The following ULK1 variants were observed in gnomAD, a reference collection of about 807,000 sequenced individuals.
ULK1 encodes the protein unc-51 like autophagy activating kinase 1.
In ULK1, 48 loss-of-function variants were observed where a neutral mutation model predicts 117.5. That is an observed-to-expected ratio of 0.41 (90% CI 0.32 to 0.52). The LOEUF (loss-of-function observed/expected upper bound fraction) is 0.52, where lower values mean the gene tolerates loss of function less well. Among genes scored for constraint, ULK1 ranks in the 20% least tolerant of loss-of-function variants. The pLI is 0.29. For missense variants in ULK1, 1,387 were observed against 1,473.4 expected, an observed-to-expected ratio of 0.94 and a Z score of 0.96; for synonymous variants, 790 against 637.8, an observed-to-expected ratio of 1.24 and a Z score of -3.60.
At position 131,919,051 on chromosome 12, in the gene ULK1, G is replaced by A. The variant is rs571305407; in HGVS notation, c.2512-161G>A. Among the ~76,000 whole-genome samples, 5 of 149,876 alleles carry A rather than the reference G, an allele frequency of 3.3e-5. No homozygotes were observed. The East Asian group carries it at 1.0e-3, about 30-fold the overall frequency. ...GGGGTGTACGGTGTGTGGGGTGCAG[G>A]GTGTGTGGGGTGTCGGGCGTGGCAC... On this transcript the variant is annotated intron_variant, in intron 23 of 27. Coordinates refer to ENST00000321867, the MANE Select transcript of ULK1 (RefSeq NM_003565.4).
At position 131,921,453 on chromosome 12, in the gene ULK1, C is replaced by T. The variant is rs1890148545; in HGVS notation, c.*92C>T. The stretch of plus-strand genomic sequence containing the variant: ...GACTCCTCGGGACAAGCCCATGGCG[C>T]TGATCGCTGGTGCTGAGCCCTGCCC... On this transcript the variant is annotated 3_prime_UTR_variant, in exon 28 of 28. Transcript: ENST00000321867. The T allele has an allele frequency of 6.4e-7, 1 of 1,570,442 alleles. No homozygotes were observed. The highest frequency in any genetic ancestry group is 8.6e-7 in the Non-Finnish European group (1 of 1,157,224).
rs199626504 is a variant in ULK1 at position 131,896,277 on chromosome 12, CA to C, written c.246+454del. On this transcript the variant is annotated intron_variant, in intron 3 of 27. Coordinates refer to ENST00000321867, the MANE Select transcript of ULK1 (RefSeq NM_003565.4). ...CCGGAGACTCCTGCTCGCTGGCAGT[CA>C]GGGCCGGGCCGGGGCACAGGCGGCT... is the stretch of plus-strand genomic sequence containing the variant. 6.0e-3 allele frequency among the ~76,000 whole-genome samples: 912 copies of C among 152,224 alleles called. 41 individuals carry two copies. In the East Asian group the frequency reaches 0.13, roughly 22 times the overall value.
chr12:131,910,937 T>C, intron 12 of ULK1, 137 bp downstream of exon 12: 1 of 1,454,656 alleles, frequency 6.9e-7, no homozygotes, highest in Non-Finnish European at 9.1e-7. Context: ...GAGTTCATTC[T>C]GTCAGATGTT....
chr12:131,908,511 C>T, intron 5 of ULK1, 133 bp from the exon 6 acceptor site: 1 of 1,149,308 alleles, frequency 8.7e-7, no homozygotes, highest in Non-Finnish European at 1.2e-6. Flanking sequence ...CCCCTCCTGA[C>T]CCGGGGTTTC....
rs765445854 is a variant in ULK1, at chr12:131,913,835, G to A, written c.1246G>A (p.Gly416Ser). Residue 416 changes from glycine to serine, a missense_variant and splice_region_variant, in exon 15 of 28, where the codon GGC (glycine) becomes AGC (serine). Transcript: ENST00000321867. ...PPCSSSPSPS[G>S]RAGPFSSSRC... ...CTGCAGCAGCTCCCCCAGTCCCTCA[G>A]GGTAAGCAGGGCCCCAGGCTGGGTG... 1 of 1,525,672 alleles carries A rather than the reference G, an allele frequency of 6.6e-7. No homozygotes were observed. The highest frequency in any genetic ancestry group is 2.2e-5 in the Admixed American group (1 of 45,158). 94.5% of individuals were successfully genotyped at this position (1,525,672 alleles called of 1,614,324 possible).
At chr12:131,916,782 G>A (rs1182249218) in intron 20 of ULK1, among the ~76,000 whole-genome samples, 171 bp from the exon 21 acceptor site, 3 of 152,094 alleles carry the variant, frequency 2.0e-5, no homozygotes, top group East Asian at 1.9e-4. Flanking sequence ...GCAGGTCCCC[G>A]TCCTGAGCCT....
chr12:131,915,191 G>A lies in ULK1; in HGVS notation c.1482G>A (p.Met494Ile), dbSNP rs1368229541. Residue 494 changes from methionine (M) to isoleucine (I), a missense_variant, in exon 17 of 28, where the codon ATG becomes ATA. Physicochemically the swap from Met to Ile is conservative, Grantham distance 10 (BLOSUM62 1). This residue lies in a region of ULK1 where 900 missense variants were observed against 858.9 expected (regional missense o/e 1.05). Coordinates refer to ENST00000321867, the MANE Select transcript of ULK1 (RefSeq NM_003565.4). The stretch of plus-strand genomic sequence containing the variant: ...ATGGAGGCGTCCTGGCCAGGAAGAT[G>A]TCTCTGGGTGGAGGCCGGCCCTACA... Reference protein sequence around the residue: ...AEHGGVLARKMSLGGGRPYTP... With the variant: ...AEHGGVLARKISLGGGRPYTP... 2 of 1,600,732 alleles carry A rather than the reference G, an allele frequency of 1.2e-6. No homozygotes were observed. The highest frequency in any genetic ancestry group is 1.7e-6 in the Non-Finnish European group (2 of 1,174,334).
At chr12:131,898,540 C>T (rs1453673964) in intron 3 of ULK1, among the ~76,000 whole-genome samples, 3 of 151,860 alleles carry the variant, frequency 2.0e-5, no homozygotes, top group Non-Finnish European at 2.9e-5. Context: ...TTGCTCTTGT[C>T]GCCCAGGCTG....
At chr12:131,910,185 G>T in intron 10 of ULK1, 69 bp from the exon 11 acceptor site, 2 of 1,600,354 alleles carry the variant, frequency 1.2e-6, no homozygotes, top group Non-Finnish European at 1.7e-6. Flanking sequence ...AGCTCAGGCC[G>T]TGGGGAGGCA....
chr12:131,912,860 G>T (rs938981071), intron 13 of ULK1, among the ~76,000 whole-genome samples: 15 of 152,140 alleles, frequency 9.9e-5, no homozygotes, highest in Non-Finnish European at 2.1e-4. Flanking sequence ...ACTTAGGGCT[G>T]TAGATGCCTG....
rs753118432 is a variant in ULK1 at position 131,918,576 on chromosome 12, C to T, written c.2406C>T (p.Leu802=). ...GPCSEAPAPE[L]PAPGHGCSFA... ...GCAGCGAGGCCCCAGCCCCTGAGCT[C>T]CCTGCTCCAGGACACGGCTGCAGCT... is the stretch of plus-strand genomic sequence containing the variant. Residue 802 remains leucine, a synonymous_variant, in exon 23 of 28, where the codon CTC becomes CTT. Coordinates refer to ENST00000321867, the MANE Select transcript of ULK1 (RefSeq NM_003565.4). 3 of 1,611,430 alleles carry T rather than the reference C, an allele frequency of 1.9e-6. No individual in the cohort carries two copies. The highest frequency in any genetic ancestry group is 1.3e-5 in the African/African-American group (1 of 74,988).
At position 131,902,568 on chromosome 12, in the gene ULK1, G is replaced by T. The variant is rs1889130305; in HGVS notation, c.247-4324G>T. 6.6e-6 allele frequency among the ~76,000 whole-genome samples: 1 copy of T among 152,162 alleles called. No homozygotes were observed. Among genetic ancestry groups the T allele is most frequent in the African/African-American group, 2.4e-5 (1 of 41,440 alleles). ...GGGGTGTTGATATTGCTGTCTTTTT[G>T]AAGTGTTCTGAGCCTCAGATGCATG... On this transcript the variant is annotated intron_variant, in intron 3 of 27. Coordinates refer to ENST00000321867, the MANE Select transcript of ULK1 (RefSeq NM_003565.4). The surrounding 1 kb of genome is among the most constrained non-coding windows in gnomAD (Gnocchi z 6.3).
In ULK1 at chr12:131,916,591, G is replaced by T; in HGVS notation, c.2072G>T (p.Arg691Leu). The T allele has an allele frequency of 6.4e-7, 1 of 1,572,888 alleles. No individual in the cohort carries two copies. The highest frequency in any genetic ancestry group is 1.7e-4 in the Middle Eastern group (1 of 5,778). The change falls in exon 20 of 28, where the codon CGG becomes CTG. Residue 691 changes from arginine to leucine, a missense_variant and splice_region_variant. This residue lies in a region of ULK1 where 900 missense variants were observed against 858.9 expected (regional missense o/e 1.05). Coordinates refer to ENST00000321867, the MANE Select transcript of ULK1 (RefSeq NM_003565.4). Reference protein sequence around the residue: ...PGEDPKGPFGRSFSTSRLTDL... With the variant: ...PGEDPKGPFGLSFSTSRLTDL... ...GAGGACCCCAAGGGCCCCTTTGGCC[G>T]GTGAGTTGAGGGGACAGGCCTTGGA...
At chr12:131,919,773 C>T (rs981374434) in intron 25 of ULK1, 183 bp downstream of exon 25, 61 of 1,014,780 alleles carry the variant, frequency 6.0e-5, no homozygotes, top group Non-Finnish European at 7.7e-5. Flanking sequence ...CACCCTGGAG[C>T]CCAGTATGCA....
Position 131,908,882 on chromosome 12 carries a change from C to T in ULK1, c.491-16C>T, listed in dbSNP as rs201483006. The T allele has an allele frequency of 3.4e-5, 55 of 1,609,364 alleles. No homozygotes were observed. Among genetic ancestry groups the T allele is most frequent in the Admixed American group, 8.3e-5 (5 of 59,988 alleles). On this transcript the variant is annotated splice_polypyrimidine_tract_variant and intron_variant, in intron 6 of 27. Transcript: ENST00000321867. ...GCTCCGGGGCCGGCGCCGGTCCTGACGCTTCTCTCCCGCAGCTGACTTCGG... is the reference window on the plus strand; with the variant it reads ...GCTCCGGGGCCGGCGCCGGTCCTGATGCTTCTCTCCCGCAGCTGACTTCGG...
Position 131,894,706 on chromosome 12 carries a change from A to C in ULK1, c.-296A>C. On this transcript the variant is annotated 5_prime_UTR_variant, in exon 1 of 28. Coordinates refer to ENST00000321867, the MANE Select transcript of ULK1 (RefSeq NM_003565.4). ...TCCGTTGGGGCCGAGCCCGGGCCCT[A>C]GTTGGAGCCGGAGTCGGAGTCGGAG... 1 of 150,876 alleles carries C rather than the reference A, an allele frequency of 6.6e-6. No homozygotes were observed. The highest frequency in any genetic ancestry group is 1.5e-5 in the Non-Finnish European group (1 of 67,722). 9.3% of individuals were successfully genotyped at this position (150,876 alleles called of 1,614,324 possible).
chr12:131,918,711 T>C, intron 23 of ULK1, 30 bp downstream of exon 23: 2 of 1,382,826 alleles, frequency 1.4e-6, no homozygotes, highest in South Asian at 2.7e-5. Context: ...AAGGTTCCCA[T>C]TCTGGCTGGA....
chr12:131,906,912 C>T lies in ULK1; in HGVS notation c.267C>T (p.Tyr89=). Residue 89 remains tyrosine (Y), a synonymous_variant, in exon 4 of 28, where the codon TAC becomes TAT. Transcript: ENST00000321867. ...YDFQEMANSV[Y]LVMEYCNGGD... ...TGCAGGAAATGGCTAATTCTGTCTACCTGGTTATGGAGGTGAGTGCCTTGT... is the reference window on the plus strand; with the variant it reads ...TGCAGGAAATGGCTAATTCTGTCTATCTGGTTATGGAGGTGAGTGCCTTGT... 1 of 1,614,096 alleles carries T rather than the reference C, an allele frequency of 6.2e-7. No individual in the cohort carries two copies. The highest frequency in any genetic ancestry group is 8.5e-7 in the Non-Finnish European group (1 of 1,180,010).
chr12:131,916,272 C>A (rs899442510), intron 19 of ULK1, 113 bp downstream of exon 19: 18 of 1,517,070 alleles, frequency 1.2e-5, no homozygotes, highest in Non-Finnish European at 1.6e-5. Flanking sequence ...TGACCCCCGC[C>A]TGGGCTCATG....
Sources: allele counts gnomAD v4.1 joint callset (sites outside exome capture counted in the v4.1 genomes callset), GRCh38; gene constraint gnomAD v4.1.1; regional missense constraint gnomAD v4.1.1; non-coding constraint Gnocchi (gnomAD v3.1); transcripts MANE v1.5; gene names NCBI Gene and HGNC (gene_info 2026-07-23, HGNC 2026-07-21).